MYT1L: variants seen among roughly 807,000 people sequenced by gnomAD.
MYT1L encodes myelin transcription factor 1 like.
MYT1L carries 12 observed loss-of-function variants against 126.7 expected under a neutral mutation model. The ratio of observed to expected loss-of-function variants is 0.09; its 90% CI spans 0.06 to 0.15. MYT1L has a LOEUF of 0.15. Among genes scored for constraint, MYT1L ranks in the 10% least tolerant of loss-of-function variants. The pLI is 1.00. For synonymous variants in MYT1L, 541 were observed against 604.2 expected (o/e 0.90, Z 1.53); for missense variants, 979 against 1,585.2 (o/e 0.62, Z 6.49).
At chr2:2,159,107 G>A (rs950022878) in intron 3 of MYT1L, among the ~76,000 whole-genome samples, 2 of 152,142 alleles carry the variant, frequency 1.3e-5, no homozygotes, top group Non-Finnish European at 2.9e-5. Context: ...GTAGCAATCA[G>A]CCGGCACGGG....
intron 2 of MYT1L, among the ~76,000 whole-genome samples, chr2:2,186,177 G>T (rs1207381587): frequency 7.5e-6 from 1 of 133,902 alleles, no homozygotes; most frequent in Non-Finnish European, 1.6e-5. Context: ...CGTTCCTTAC[G>T]TGAGGGGGAC....
chr2:2,286,453 C>T (rs1050264538), intron 1 of MYT1L, among the ~76,000 whole-genome samples: 2 of 152,066 alleles, frequency 1.3e-5, no homozygotes, highest in Non-Finnish European at 2.9e-5. Flanking sequence ...AATATATGTA[C>T]ACTTTTAAAA....
At chr2:2,018,721 G>A (rs752099331) in intron 4 of MYT1L, among the ~76,000 whole-genome samples, 58 of 152,158 alleles carry the variant, frequency 3.8e-4, no homozygotes, top group Non-Finnish European at 5.9e-4. Flanking sequence ...CTCTCCACTT[G>A]GTCAATGGAT....
At chr2:2,007,250 A>G (rs569073871) in intron 4 of MYT1L, among the ~76,000 whole-genome samples, 1 of 152,156 alleles carries the variant, frequency 6.6e-6, no homozygotes, top group African/African-American at 2.4e-5. Context: ...ACTGTTTTTC[A>G]TAATGGCTGT....
chr2:2,056,131 C>T (rs1374771184), intron 3 of MYT1L, among the ~76,000 whole-genome samples: 1 of 152,194 alleles, frequency 6.6e-6, no homozygotes, highest in Non-Finnish European at 1.5e-5. Flanking sequence ...GTTCTCCAGG[C>T]GCACATTCAC....
intron 21 of MYT1L, among the ~76,000 whole-genome samples, chr2:1,821,094 T>G (rs1240672084): frequency 1.3e-5 from 2 of 152,206 alleles, no homozygotes; most frequent in South Asian, 4.1e-4. Context: ...TAAATCCTAC[T>G]GGTCCTGCTT....
At chr2:2,014,018 T>C (rs371385526) in intron 4 of MYT1L, among the ~76,000 whole-genome samples, 1 of 152,242 alleles carries the variant, frequency 6.6e-6, no homozygotes, top group African/African-American at 2.4e-5. Context: ...TGGATGCCCA[T>C]GCCTTTTCCT....
chr2:1,847,575 A>G (rs1268558838), intron 19 of MYT1L, among the ~76,000 whole-genome samples: 1 of 152,032 alleles, frequency 6.6e-6, no homozygotes, highest in Non-Finnish European at 1.5e-5. Flanking sequence ...CGGAGAAAAG[A>G]GCAAAGGGAG....
chr2:1,850,120 TTCCCTCCTGCCCC>T (rs1421256377), intron 19 of MYT1L, among the ~76,000 whole-genome samples: 1 of 148,980 alleles, frequency 6.7e-6, no homozygotes, highest in Non-Finnish European at 1.5e-5. Flanking sequence ...CCTCGCTCCC[TTCCCTCCTGCCCC>T]TCCCTCCTTC....
At chr2:1,851,808 T>A (rs1489496741) in intron 18 of MYT1L, 105 bp from the exon 19 acceptor site, 6 of 1,107,356 alleles carry the variant, frequency 5.4e-6, no homozygotes, top group Non-Finnish European at 8.2e-6. Context: ...TTGCTTCACT[T>A]CCTACTTGAA....
intron 2 of MYT1L, among the ~76,000 whole-genome samples, chr2:2,280,189 G>A (rs917566047): frequency 2.6e-5 from 4 of 152,156 alleles, no homozygotes; most frequent in African/African-American, 9.7e-5. Context: ...CCATAAGGAG[G>A]ATTTCAAGCA....
At chr2:2,024,221 T>C (rs2065309652) in intron 4 of MYT1L, among the ~76,000 whole-genome samples, 1 of 152,240 alleles carries the variant, frequency 6.6e-6, no homozygotes, top group Non-Finnish European at 1.5e-5. Context: ...ATATATATAC[T>C]ACATTATTAT....
intron 4 of MYT1L, among the ~76,000 whole-genome samples, chr2:2,014,203 T>A (rs2064131071): frequency 6.6e-6 from 1 of 152,042 alleles, no homozygotes; most frequent in East Asian, 1.9e-4. Flanking sequence ...CCTGTTTTTT[T>A]TTTTTTTCCT....
chr2:2,277,219 C>G (rs2095374771), intron 2 of MYT1L, among the ~76,000 whole-genome samples: 1 of 152,126 alleles, frequency 6.6e-6, no homozygotes, highest in Non-Finnish European at 1.5e-5. Context: ...ATCCATCTGC[C>G]TCGGCCTCCC....
At chr2:2,131,792 C>T (rs1368425623) in intron 3 of MYT1L, among the ~76,000 whole-genome samples, 2 of 151,732 alleles carry the variant, frequency 1.3e-5, no homozygotes, top group African/African-American at 2.4e-5. Flanking sequence ...AGTGAGAACT[C>T]GGTCATGTAA....
At chr2:1,933,687 C>T (rs985615247) in intron 9 of MYT1L, among the ~76,000 whole-genome samples, 5 of 152,124 alleles carry the variant, frequency 3.3e-5, no homozygotes, top group African/African-American at 1.2e-4. Context: ...AGAGACTGCA[C>T]TGAGCTCAGT....
At chr2:2,063,648 A>G (rs1353097994) in intron 3 of MYT1L, among the ~76,000 whole-genome samples, 5 of 152,218 alleles carry the variant, frequency 3.3e-5, no homozygotes, top group Non-Finnish European at 7.3e-5. Context: ...GTTTGAGACC[A>G]GCTTGGCCAA....
At chr2:2,131,899 T>A (rs1002415428) in intron 3 of MYT1L, among the ~76,000 whole-genome samples, 10 of 147,844 alleles carry the variant, frequency 6.8e-5, no homozygotes, top group African/African-American at 2.5e-4. Flanking sequence ...TGCAAGAGAG[T>A]TCATCCTTTT....
chr2:2,053,459 G>T (rs909012277), intron 4 of MYT1L, among the ~76,000 whole-genome samples: 1 of 152,164 alleles, frequency 6.6e-6, no homozygotes, highest in African/African-American at 2.4e-5. Flanking sequence ...GCCATAACCT[G>T]AAGTTTTTCA....
Sources: gnomAD v4.1 joint callset for allele counts (sites outside exome capture counted in the v4.1 genomes callset) on GRCh38, gnomAD v4.1.1 for gene constraint, MANE v1.5 for transcripts, NCBI Gene and HGNC (gene_info 2026-07-23, HGNC 2026-07-21) for gene names.